SLC35D1: variants seen among roughly 807,000 people sequenced by gnomAD.
The protein encoded by SLC35D1 is solute carrier family 35 member D1.
In SLC35D1, 31 loss-of-function variants were observed where a neutral mutation model predicts 46.7. The observed-to-expected ratio is 0.66, with a 90% CI of 0.50 to 0.90. The LOEUF (loss-of-function observed/expected upper bound fraction) is 0.90, where lower values mean the gene tolerates loss of function less well. Ranked by LOEUF, SLC35D1 falls within the 40% of genes least tolerant of loss-of-function variation. The pLI is 0.00. For missense variants in SLC35D1, 397 were observed against 426.2 expected (o/e 0.93, Z 0.60); for synonymous variants, 195 against 164.6 (o/e 1.18, Z -1.41).
At chr1:67,008,356 C>T (rs1667492403) in intron 11 of SLC35D1, 2 of 1,198,944 alleles carry the variant, frequency 1.7e-6, no homozygotes, top group Middle Eastern at 2.2e-4. Flanking sequence ...CCAGGGTGGT[C>T]TTGATCTCTT....
Position 67,021,549 on chromosome 1 carries a change from G to C in SLC35D1, c.783C>G (p.Leu261=), listed in dbSNP as rs1667798265. ...CAAAGGCTTACCCCATCACACAGGAGAGGGTGAACTGCAGAAGAAAGAGGG... is the reference window on the plus strand; with the variant it reads ...CAAAGGCTTACCCCATCACACAGGACAGGGTGAACTGCAGAAGAAAGAGGG... ...ADTLFLLQFT[L]SCVMGFILMY... Residue 261 remains leucine (L), a synonymous_variant, in exon 9 of 12, where the codon CTC becomes CTG. Coordinates refer to ENST00000235345, the MANE Select transcript of SLC35D1 (RefSeq NM_015139.3). 1 of 1,614,016 alleles carries C rather than the reference G, an allele frequency of 6.2e-7. No individual in the cohort carries two copies. Among genetic ancestry groups the C allele is most frequent in the South Asian group, 1.1e-5 (1 of 91,086 alleles).
chr1:67,029,542 G>A (rs1362446902), intron 8 of SLC35D1, among the ~76,000 whole-genome samples: 1 of 152,212 alleles, frequency 6.6e-6, no homozygotes, highest in African/African-American at 2.4e-5. Flanking sequence ...TGTGTCACAT[G>A]TCATTTCTGC....
intron 10 of SLC35D1, among the ~76,000 whole-genome samples, chr1:67,015,720 C>T (rs903903294): frequency 1.3e-5 from 2 of 151,778 alleles, no homozygotes; most frequent in African/African-American, 4.8e-5. Flanking sequence ...TTTTTATGTA[C>T]TATTGATAAA....
At chr1:67,034,418 A>G (rs1668082212) in intron 8 of SLC35D1, among the ~76,000 whole-genome samples, 1 of 151,972 alleles carries the variant, frequency 6.6e-6, no homozygotes, top group Admixed American at 6.6e-5. Flanking sequence ...TCTTTGGTTA[A>G]TTTTAAGTTA....
At chr1:66,995,553 G>C (rs1667231000), downstream of SLC35D1, among the ~76,000 whole-genome samples, 1 of 150,532 alleles carries the variant, frequency 6.6e-6, no homozygotes. Flanking sequence ...AAGAGAACAT[G>C]GTGTGGTGAG....
At chr1:67,026,799 G>A (rs900511877) in intron 8 of SLC35D1, among the ~76,000 whole-genome samples, 2 of 152,170 alleles carry the variant, frequency 1.3e-5, no homozygotes, top group Non-Finnish European at 2.9e-5. Flanking sequence ...AGCTCCGCAT[G>A]GCTGGGGAGG....
intron 8 of SLC35D1, among the ~76,000 whole-genome samples, chr1:67,025,781 AT>A (rs1667902717): frequency 6.6e-6 from 1 of 152,178 alleles, no homozygotes; most frequent in African/African-American, 2.4e-5. Flanking sequence ...ATTTTGTTAA[AT>A]TTATCCCCCA....
the SLC35D1 span, among the ~76,000 whole-genome samples, chr1:66,989,096 T>TA: frequency 5.3e-5 from 8 of 151,102 alleles, no homozygotes; most frequent in African/African-American, 9.7e-5. Flanking sequence ...TTTTGTCTTT[T>TA]AAAAAAAAAA....
the SLC35D1 span, chr1:66,976,642 G>GA: frequency 6.2e-7 from 1 of 1,606,588 alleles, no homozygotes; most frequent in African/African-American, 1.3e-5. Flanking sequence ...ATTACATGTG[G>GA]AAAAAATCTG....
chr1:67,039,766 G>A (rs1444392993), intron 8 of SLC35D1, among the ~76,000 whole-genome samples: 2 of 152,096 alleles, frequency 1.3e-5, no homozygotes, highest in Non-Finnish European at 2.9e-5. Context: ...TGCCAGCTGT[G>A]AGAATAGCTG....
the SLC35D1 span, chr1:66,981,888 G>T: frequency 1.2e-6 from 2 of 1,614,036 alleles, no homozygotes; most frequent in Admixed American, 3.3e-5. Context: ...TGAGAAAGAA[G>T]ATGGCACTGT....
chr1:66,989,590 A>C, the SLC35D1 span, among the ~76,000 whole-genome samples: 2 of 152,072 alleles, frequency 1.3e-5, no homozygotes, highest in Non-Finnish European at 2.9e-5. Context: ...CAGCCTCCTG[A>C]GTGGCTGGGT....
At chr1:67,006,165 T>G (rs543434398) in intron 11 of SLC35D1, among the ~76,000 whole-genome samples, 1 of 152,286 alleles carries the variant, frequency 6.6e-6, no homozygotes, top group Non-Finnish European at 1.5e-5. Flanking sequence ...CCAATTCTTA[T>G]GCCAATGTTC....
chr1:67,018,034 C>T (rs897830629), intron 10 of SLC35D1, among the ~76,000 whole-genome samples: 4 of 152,100 alleles, frequency 2.6e-5, no homozygotes, highest in Admixed American at 2.0e-4. Context: ...TTATTTCTCA[C>T]AGGCCTCTAG....
At chr1:66,992,733 C>CAGGT in the SLC35D1 span, among the ~76,000 whole-genome samples, 1 of 152,206 alleles carries the variant, frequency 6.6e-6, no homozygotes, top group East Asian at 1.9e-4. Flanking sequence ...TGCGGTTAGG[C>CAGGT]AGGTAGGTCT....
At position 67,053,574 on chromosome 1, in the gene SLC35D1, C is replaced by T. The variant is rs553271642; in HGVS notation, c.203+237G>A. 1.7e-3 allele frequency among the ~76,000 whole-genome samples: 260 copies of T among 152,160 alleles called. 2 individuals carry two copies. Among genetic ancestry groups the T allele is most frequent in the African/African-American group, 6.2e-3 (256 of 41,562 alleles). On this transcript the variant is annotated intron_variant, in intron 1 of 11. Coordinates refer to ENST00000235345, the MANE Select transcript of SLC35D1 (RefSeq NM_015139.3). ...GTGCGCCCAGGGCATGGCAGGCGAG[C>T]CCCAAATGTGCCGGGCCGGCCGGAG...
the SLC35D1 span, chr1:66,986,416 G>GCTT: frequency 4.1e-4 from 664 of 1,613,060 alleles, 15 homozygotes; most frequent in East Asian, 0.014. Context: ...TACTCCAAAT[G>GCTT]CTTCTTCCAG....
chr1:67,041,808 C>A (rs779947967), intron 8 of SLC35D1, among the ~76,000 whole-genome samples: 5 of 152,026 alleles, frequency 3.3e-5, no homozygotes, highest in Non-Finnish European at 7.4e-5. Context: ...GGAGTTAAAC[C>A]AGGATGACAA....
chr1:66,985,471 G>A, the SLC35D1 span: 1 of 983,488 alleles, frequency 1.0e-6, no homozygotes, highest in South Asian at 4.7e-5. Flanking sequence ...AAATAAACCA[G>A]GTCAGGTTTG....
Sources: allele counts gnomAD v4.1 joint callset (sites outside exome capture counted in the v4.1 genomes callset), GRCh38; gene constraint gnomAD v4.1.1; transcripts MANE v1.5; gene names NCBI Gene and HGNC (gene_info 2026-07-23, HGNC 2026-07-21).